CABP4: variants seen among roughly 807,000 people sequenced by gnomAD.
The protein encoded by CABP4 is calcium-binding protein 4.
Under a neutral mutation model 30.7 loss-of-function variants are expected in CABP4, and 30 were observed. That is an observed-to-expected ratio of 0.98 (90% CI 0.73 to 1.33). The LOEUF is 1.33. CABP4 is among the 40% of genes most tolerant of loss of function. The pLI is 0.00. For missense variants in CABP4, 424 were observed against 395.5 expected (o/e 1.07, Z -0.61); for synonymous variants, 161 against 159.2 (o/e 1.01, Z -0.08).
At position 67,456,215 on chromosome 11, in the gene CABP4, G is replaced by T; in HGVS notation, c.394G>T (p.Asp132Tyr). ...KDRELGPEELDELQAAFEEFD... is the reference protein window; with the variant it reads ...KDRELGPEELYELQAAFEEFD... Reference sequence around the variant, plus strand: ...CCGCGAACTGGGCCCCGAGGAGCTAGACGGTGAGTGGCTCTTGCTGCTGGC... The same window carrying T: ...CCGCGAACTGGGCCCCGAGGAGCTATACGGTGAGTGGCTCTTGCTGCTGGC... Residue 132 changes from aspartate to tyrosine, a missense_variant, in exon 2 of 6, where the codon GAC (aspartate) becomes TAC (tyrosine). By Grantham distance (160) the Asp-to-Tyr change is radical. Coordinates refer to ENST00000325656, the MANE Select transcript of CABP4 (RefSeq NM_145200.5). 6.2e-7 allele frequency: 1 copy of T among 1,613,554 alleles called. No individual in the cohort carries two copies.
rs1554998699 is a variant in CABP4, at chr11:67,460,509, TTA to T, written c.*1857_*1858del. On this transcript the variant is annotated 3_prime_UTR_variant, in exon 6 of 6. Transcript: ENST00000325656. ...TTCTGTTAAAAAAATAAAGTATATT[TTA>T]TATATACACACACACACACACACAC... is the stretch of plus-strand genomic sequence containing the variant. Among the ~76,000 whole-genome samples the T allele has an allele frequency of 3.5e-4, 35 of 100,074 alleles. No homozygotes were observed. Among genetic ancestry groups the T allele is most frequent in the Admixed American group, 7.0e-4 (7 of 10,062 alleles). The allele number at this position is 100,074 out of a possible 152,430, so 65.7% of individuals were successfully genotyped here.
chr11:67,458,533 C>G lies in CABP4; in HGVS notation c.799+15C>G. Reference sequence around the variant, plus strand: ...AGACTTTGACGGTGAGTCTCCTTCCCGGAAAACCCTCCCGTGCTTCCAGGG... The same window carrying G: ...AGACTTTGACGGTGAGTCTCCTTCCGGGAAAACCCTCCCGTGCTTCCAGGG... On this transcript the variant is annotated intron_variant, in intron 5 of 5. Coordinates refer to ENST00000325656, the MANE Select transcript of CABP4 (RefSeq NM_145200.5). The G allele has an allele frequency of 6.2e-7, 1 of 1,614,102 alleles. No individual in the cohort carries two copies. Among genetic ancestry groups the G allele is most frequent in the Non-Finnish European group, 8.5e-7 (1 of 1,180,010 alleles).
chr11:67,456,748 C>T (rs893917150), intron 3 of CABP4, among the ~76,000 whole-genome samples: 8 of 152,228 alleles, frequency 5.3e-5, no homozygotes, highest in Non-Finnish European at 1.0e-4. Flanking sequence ...GCCTCGCTGG[C>T]CCAGAAGCCC....
chr11:67,455,530 C>G lies in CABP4; in HGVS notation c.107C>G (p.Pro36Arg), dbSNP rs766418692. The G allele has an allele frequency of 1.4e-5, 22 of 1,603,206 alleles. No individual in the cohort carries two copies. Among genetic ancestry groups the G allele is most frequent in the East Asian group, 2.2e-5 (1 of 44,590 alleles). ...VTPKSDAEEP[P>R]LTRKRSKKER... ...CCCAAGAGTGATGCAGAGGAGCCCC[C>G]GTTGACCAGGAAGAGGAGCAAGAAG... The change falls in exon 1 of 6, where the codon CCG becomes CGG. Residue 36 changes from proline (P) to arginine (R), a missense_variant. Pro to Arg is a moderately radical substitution (Grantham distance 103). Transcript: ENST00000325656.
In CABP4 at chr11:67,455,578, GA is replaced by G; in HGVS notation, c.158del (p.Lys53SerfsTer79). 6.2e-7 allele frequency: 1 copy of G among 1,603,684 alleles called. No homozygotes were observed. Among genetic ancestry groups the G allele is most frequent in the Non-Finnish European group, 8.5e-7 (1 of 1,176,482 alleles). ...AAGGAGAGGGGGCTCCGAGGGTCTC[GA>G]AAGCGCACTGGCAGCTCTGGGGAGC... The part of the protein sequence containing the change: ...SKKERGLRGS[R>X]KRTGSSGEQT... On this transcript the variant is annotated frameshift_variant, in exon 1 of 6. Coordinates refer to ENST00000325656, the MANE Select transcript of CABP4 (RefSeq NM_145200.5). LOFTEE classifies it high-confidence loss of function.
intron 3 of CABP4, among the ~76,000 whole-genome samples, chr11:67,457,164 G>A (rs7101647): frequency 0.07 from 10,661 of 152,168 alleles, 1,245 homozygotes; most frequent in African/African-American, 0.24. Flanking sequence ...GGGTGTGTTC[G>A]GAGGTGGCAT....
chr11:67,458,663 T>A lies in CABP4; in HGVS notation c.*4T>A. 1 of 1,613,994 alleles carries A rather than the reference T, an allele frequency of 6.2e-7. No homozygotes were observed. Among genetic ancestry groups the A allele is most frequent in the Non-Finnish European group, 8.5e-7 (1 of 1,180,000 alleles). ...GATGATGCTCTCCCGCCACTGAGGCTCCAGGAGGGAATATCTGTTGCCCCT... is the reference window on the plus strand; with the variant it reads ...GATGATGCTCTCCCGCCACTGAGGCACCAGGAGGGAATATCTGTTGCCCCT... On this transcript the variant is annotated 3_prime_UTR_variant, in exon 6 of 6. Coordinates refer to ENST00000325656, the MANE Select transcript of CABP4 (RefSeq NM_145200.5).
intron 3 of CABP4, 24 bp downstream of exon 3, chr11:67,456,466 C>G (rs112133784): frequency 6.2e-7 from 1 of 1,605,312 alleles, no homozygotes; most frequent in Non-Finnish European, 8.5e-7. Context: ...CCCGCCCGCC[C>G]GGGCAGCCTG....
At position 67,455,561 on chromosome 11, in the gene CABP4, G is replaced by C; in HGVS notation, c.138G>C (p.Arg46Ser). ...CCAGGAAGAGGAGCAAGAAGGAGAG[G>C]GGGCTCCGAGGGTCTCGAAAGCGCA... Reference protein sequence around the residue: ...PLTRKRSKKERGLRGSRKRTG... With the variant: ...PLTRKRSKKESGLRGSRKRTG... Residue 46 changes from arginine to serine, a missense_variant, in exon 1 of 6, where the codon AGG becomes AGC. Transcript: ENST00000325656. 6.2e-7 allele frequency: 1 copy of C among 1,602,082 alleles called. No homozygotes were observed. The highest frequency in any genetic ancestry group is 8.5e-7 in the Non-Finnish European group (1 of 1,175,678).
chr11:67,456,209 G>A lies in CABP4; in HGVS notation c.388G>A (p.Glu130Lys), dbSNP rs1347952534. Residue 130 changes from glutamate (E) to lysine (K), a missense_variant, in exon 2 of 6, where the codon GAG (glutamate) becomes AAG (lysine). Physicochemically the swap from Glu to Lys is moderately conservative, Grantham distance 56. Transcript: ENST00000325656. ...GCAGGACCGCGAACTGGGCCCCGAG[G>A]AGCTAGACGGTGAGTGGCTCTTGCT... is the stretch of plus-strand genomic sequence containing the variant. ...FGKDRELGPE[E>K]LDELQAAFEE... 1 of 1,613,432 alleles carries A rather than the reference G, an allele frequency of 6.2e-7. No individual in the cohort carries two copies. Among genetic ancestry groups the A allele is most frequent in the South Asian group, 1.1e-5 (1 of 91,092 alleles).
rs1228736861 is a variant in CABP4 at position 67,460,967 on chromosome 11, A to G, written c.*2308A>G. On this transcript the variant is annotated 3_prime_UTR_variant, in exon 6 of 6. Coordinates refer to ENST00000325656, the MANE Select transcript of CABP4 (RefSeq NM_145200.5). The stretch of plus-strand genomic sequence containing the variant: ...ACCACTGCACTCCAGCCTGGGCTAC[A>G]GAGCGAGACTCCGTCTCGGAAAAAA... Among the ~76,000 whole-genome samples the G allele has an allele frequency of 2.1e-5, 3 of 140,472 alleles. No homozygotes were observed. The highest frequency in any genetic ancestry group is 7.3e-5 in the Admixed American group (1 of 13,608). 92.2% of individuals were successfully genotyped at this position (140,472 alleles called of 152,430 possible). A position where few individuals can be genotyped will look rare whatever the true frequency, so the allele number is the denominator to read the frequency against.
rs1864967844 is a variant in CABP4 at position 67,460,268 on chromosome 11, T to G, written c.*1609T>G. 6.6e-6 allele frequency: 1 copy of G among 152,196 alleles called. No individual in the cohort carries two copies. The highest frequency in any genetic ancestry group is 6.6e-5 in the Admixed American group (1 of 15,266). 9.4% of individuals were successfully genotyped at this position (152,196 alleles called of 1,614,324 possible). A position where few individuals can be genotyped will look rare whatever the true frequency, so the allele number is the denominator to read the frequency against. ...TGAGCTCAGGAATTCGAGACCAGCC[T>G]GGGCAACATGGTGAAACCCTGTCTC... On this transcript the variant is annotated 3_prime_UTR_variant, in exon 6 of 6. Transcript: ENST00000325656.
chr11:67,455,868 C>G lies in CABP4; in HGVS notation c.366+79C>G, dbSNP rs1864767212. 6 of 1,487,688 alleles carry G rather than the reference C, an allele frequency of 4.0e-6. No homozygotes were observed. In the South Asian group the frequency reaches 7.8e-5, roughly 19 times the overall value. The allele number at this position is 1,487,688 out of a possible 1,614,324, so 92.2% of individuals were successfully genotyped here. ...ACCCCTTGGGCTCAGCTCACCCTGCCCCTGAGAGGCCCTCTGCCTCTTCTG... is the reference window on the plus strand; with the variant it reads ...ACCCCTTGGGCTCAGCTCACCCTGCGCCTGAGAGGCCCTCTGCCTCTTCTG... On this transcript the variant is annotated intron_variant, in intron 1 of 5. Transcript: ENST00000325656.
intron 1 of CABP4, 197 bp from the exon 2 acceptor site, chr11:67,455,991 C>A: frequency 1.7e-6 from 2 of 1,198,194 alleles, no homozygotes; most frequent in Non-Finnish European, 2.3e-6. Context: ...AGAATTCACA[C>A]CAGGGCTCTG....
chr11:67,456,137 A>T, intron 1 of CABP4, 51 bp from the exon 2 acceptor site: 1 of 1,612,756 alleles, frequency 6.2e-7, no homozygotes, highest in South Asian at 1.1e-5. Context: ...AGGAGGAAGG[A>T]TGACAGAGCC....
Position 67,459,492 on chromosome 11 carries a change from A to G in CABP4, c.*833A>G, listed in dbSNP as rs1864944717. 6.6e-6 allele frequency: 1 copy of G among 152,280 alleles called. No individual in the cohort carries two copies. Among genetic ancestry groups the G allele is most frequent in the African/African-American group, 2.4e-5 (1 of 41,452 alleles). 9.4% of individuals were successfully genotyped at this position (152,280 alleles called of 1,614,324 possible). On this transcript the variant is annotated 3_prime_UTR_variant, in exon 6 of 6. Transcript: ENST00000325656. ...ATCTGTCTGCACTGACCAGTCATAG[A>G]AAGTGGCAAGGATACAGATGTTCAG... is the stretch of plus-strand genomic sequence containing the variant.
upstream of CABP4, among the ~76,000 whole-genome samples, chr11:67,454,021 G>A (rs781380722): frequency 2.0e-5 from 3 of 152,116 alleles, no homozygotes; most frequent in East Asian, 5.8e-4. Context: ...GGAGCCCCTG[G>A]TGCCTCTCCA....
Position 67,460,689 on chromosome 11 carries a change from A to G in CABP4, c.*2030A>G, listed in dbSNP as rs541154026. ...ATGGAAAATATTACAGGGTAGTTAAAAGTCACTGGAAGGCTGGGTGTGGTG... is the reference window on the plus strand; with the variant it reads ...ATGGAAAATATTACAGGGTAGTTAAGAGTCACTGGAAGGCTGGGTGTGGTG... On this transcript the variant is annotated 3_prime_UTR_variant, in exon 6 of 6. Transcript: ENST00000325656. Among the ~76,000 whole-genome samples, 70 of 152,192 alleles carry G rather than the reference A, an allele frequency of 4.6e-4. 2 individuals are homozygous for G. Among genetic ancestry groups the G allele is most frequent in the African/African-American group, 1.6e-3 (66 of 41,530 alleles).
rs1865008259 is a variant in CABP4 at position 67,461,331 on chromosome 11, G to A, written c.*2672G>A. ...AAGTCCTTGGGAGTCTCAGACGGAG[G>A]ACATACATAGAGAATGAACAAGAAG... On this transcript the variant is annotated 3_prime_UTR_variant, in exon 6 of 6. Coordinates refer to ENST00000325656, the MANE Select transcript of CABP4 (RefSeq NM_145200.5). 6.6e-6 allele frequency among the ~76,000 whole-genome samples: 1 copy of A among 152,112 alleles called. No individual in the cohort carries two copies. The highest frequency in any genetic ancestry group is 1.9e-4 in the East Asian group (1 of 5,198).
Sources: allele counts gnomAD v4.1 joint callset (sites outside exome capture counted in the v4.1 genomes callset), GRCh38; gene constraint gnomAD v4.1.1; transcripts MANE v1.5; gene names NCBI Gene and HGNC (gene_info 2026-07-23, HGNC 2026-07-21).